The following STXBP5 variants were observed in gnomAD, a reference collection of about 807,000 sequenced individuals.
STXBP5 encodes syntaxin binding protein 5, also known as syntaxin-binding protein 5.
STXBP5 carries 50 observed loss-of-function variants against 152.4 expected under a neutral mutation model. The observed-to-expected ratio is 0.33, with a 90% CI of 0.26 to 0.42. The LOEUF (loss-of-function observed/expected upper bound fraction) is 0.42. Among genes scored for constraint, STXBP5 ranks in the 10% least tolerant of loss-of-function variants. STXBP5 has a pLI of 1.00. For missense variants in STXBP5, 1,167 were observed against 1,388.6 expected (o/e 0.84, Z 2.54); for synonymous variants, 492 against 494.7 (o/e 0.99, Z 0.07).
intron 2 of STXBP5, among the ~76,000 whole-genome samples, chr6:147,220,708 G>C (rs916352742): frequency 2.0e-5 from 3 of 152,056 alleles, no homozygotes; most frequent in African/African-American, 7.2e-5. Context: ...ATTAGTGAAA[G>C]CATGGCATAT....
intron 4 of STXBP5, among the ~76,000 whole-genome samples, chr6:147,248,047 A>G (rs972377733): frequency 1.3e-5 from 2 of 152,198 alleles, no homozygotes; most frequent in African/African-American, 4.8e-5. Context: ...TGGGAGGCCA[A>G]GGTGGGCAGA....
intron 26 of STXBP5, among the ~76,000 whole-genome samples, chr6:147,377,884 C>T (rs1258331005): frequency 1.3e-5 from 2 of 150,756 alleles, no homozygotes; most frequent in African/African-American, 4.9e-5. Flanking sequence ...TGAAACGAAG[C>T]ACGAAAAAAG....
chr6:147,336,663 T>C (rs1783839719), intron 19 of STXBP5, among the ~76,000 whole-genome samples: 1 of 152,106 alleles, frequency 6.6e-6, no homozygotes, highest in Non-Finnish European at 1.5e-5. Context: ...TGATGCATTA[T>C]AGATTATTAA....
intron 8 of STXBP5, among the ~76,000 whole-genome samples, chr6:147,288,654 A>G (rs1366552459): frequency 1.3e-5 from 2 of 152,156 alleles, no homozygotes; most frequent in Non-Finnish European, 2.9e-5. Flanking sequence ...CCAGTAGTAT[A>G]TCTGTATGGG....
intron 2 of STXBP5, among the ~76,000 whole-genome samples, chr6:147,219,127 G>A (rs959232973): frequency 4.6e-5 from 7 of 152,074 alleles, no homozygotes; most frequent in Admixed American, 1.3e-4. Flanking sequence ...ACCTGTATTC[G>A]TAGTTTACCG....
chr6:147,266,619 CA>C (rs1369530498), intron 6 of STXBP5, among the ~76,000 whole-genome samples: 1 of 151,982 alleles, frequency 6.6e-6, no homozygotes, highest in Non-Finnish European at 1.5e-5. Context: ...ATAATTAATT[CA>C]GTTTGGGGCA....
chr6:147,309,742 A>G lies in STXBP5; in HGVS notation c.918-342A>G, dbSNP rs75073059. Among the ~76,000 whole-genome samples, 9 of 152,234 alleles carry G rather than the reference A, an allele frequency of 5.9e-5. No individual in the cohort carries two copies. The South Asian group carries it at 1.9e-3, about 32-fold the overall frequency. ...TTCTCTGTGGGAGCTTCTATTGAGA[A>G]GGCCTGGTTAGGATTGGAAGTCAAA... On this transcript the variant is annotated intron_variant, in intron 9 of 27. Coordinates refer to ENST00000321680, the MANE Select transcript of STXBP5 (RefSeq NM_001127715.4).
chr6:147,350,193 T>TAG (rs985864049), intron 21 of STXBP5, among the ~76,000 whole-genome samples: 3 of 152,178 alleles, frequency 2.0e-5, no homozygotes, highest in African/African-American at 7.2e-5. Flanking sequence ...GAAAGCTGGT[T>TAG]AGTTATATTT....
intron 2 of STXBP5, among the ~76,000 whole-genome samples, chr6:147,233,687 G>GA (rs1778125177): frequency 6.6e-6 from 1 of 151,518 alleles, no homozygotes; most frequent in Non-Finnish European, 1.5e-5. Context: ...TTCTTTTTCT[G>GA]AAAAAATAAA....
chr6:147,338,158 A>G (rs954015771), intron 19 of STXBP5, among the ~76,000 whole-genome samples: 1 of 152,102 alleles, frequency 6.6e-6, no homozygotes, highest in African/African-American at 2.4e-5. Context: ...GCAGATACTT[A>G]GAGAATTCTA....
Position 147,274,383 on chromosome 6 carries a change from T to G in STXBP5, c.715-3698T>G, listed in dbSNP as rs145561830. On this transcript the variant is annotated intron_variant, in intron 7 of 27. Transcript: ENST00000321680. Reference sequence around the variant, plus strand: ...TTTCAGTTTATAACTATTTATAATCTTTAGAGAGAAAGGAAAAAAAGCTAT... The same window carrying G: ...TTTCAGTTTATAACTATTTATAATCGTTAGAGAGAAAGGAAAAAAAGCTAT... 4.5e-3 allele frequency among the ~76,000 whole-genome samples: 678 copies of G among 152,302 alleles called. 2 individuals carry two copies. The highest frequency in any genetic ancestry group is 0.015 in the African/African-American group (632 of 41,560).
chr6:147,346,207 G>A (rs1784320678), intron 21 of STXBP5, among the ~76,000 whole-genome samples: 1 of 152,174 alleles, frequency 6.6e-6, no homozygotes, highest in South Asian at 2.1e-4. Flanking sequence ...CTGGGTAAAT[G>A]AGTTTCGTAA....
At chr6:147,272,171 G>A (rs958596511) in intron 7 of STXBP5, among the ~76,000 whole-genome samples, 3 of 152,118 alleles carry the variant, frequency 2.0e-5, no homozygotes, top group Admixed American at 6.5e-5. Flanking sequence ...GCTTGCTGGT[G>A]AATTTTACCA....
At chr6:147,224,849 C>G (rs1048194783) in intron 2 of STXBP5, among the ~76,000 whole-genome samples, 3 of 152,124 alleles carry the variant, frequency 2.0e-5, no homozygotes, top group African/African-American at 4.8e-5. Context: ...ATGCTTCCAT[C>G]AATATTCTTT....
intron 8 of STXBP5, among the ~76,000 whole-genome samples, chr6:147,283,109 A>T (rs753993114): frequency 6.6e-6 from 1 of 152,232 alleles, no homozygotes; most frequent in Non-Finnish European, 1.5e-5. Context: ...GTCAAAACCC[A>T]TAGATTTTTA....
intron 9 of STXBP5, among the ~76,000 whole-genome samples, chr6:147,298,812 T>C (rs895663636): frequency 1.3e-5 from 2 of 152,026 alleles, no homozygotes; most frequent in East Asian, 1.9e-4. Context: ...CTGAGGCCTA[T>C]GGAATACAGC....
intron 21 of STXBP5, among the ~76,000 whole-genome samples, chr6:147,340,927 C>A (rs1784061486): frequency 6.6e-6 from 1 of 152,090 alleles, no homozygotes; most frequent in Admixed American, 6.6e-5. Flanking sequence ...CTTTTTGTCA[C>A]TCCAGTTTCT....
In STXBP5 at chr6:147,386,009, CTA is replaced by C. The variant is rs1345041361; in HGVS notation, c.*1255_*1256del. On this transcript the variant is annotated 3_prime_UTR_variant, in exon 28 of 28. Transcript: ENST00000321680. ...AAGGAAAATATGTACACTGTGATAACTAAATTATTTCTGTATTGGAATATAAT... is the reference window on the plus strand; with the variant it reads ...AAGGAAAATATGTACACTGTGATAACAATTATTTCTGTATTGGAATATAAT... 1 of 151,982 alleles carries C rather than the reference CTA, an allele frequency of 6.6e-6. No individual in the cohort carries two copies. The highest frequency in any genetic ancestry group is 2.4e-5 in the African/African-American group (1 of 41,410). 9.4% of individuals were successfully genotyped at this position (151,982 alleles called of 1,614,324 possible). A position where few individuals can be genotyped will look rare whatever the true frequency, so the allele number is the denominator to read the frequency against.
At chr6:147,216,184 G>A (rs1352087281) in intron 2 of STXBP5, among the ~76,000 whole-genome samples, 1 of 152,162 alleles carries the variant, frequency 6.6e-6, no homozygotes, top group African/African-American at 2.4e-5. Flanking sequence ...TTGAGGTCAG[G>A]AGTTTGAGAC....
Sources: allele counts gnomAD v4.1 joint callset (sites outside exome capture counted in the v4.1 genomes callset), GRCh38; gene constraint gnomAD v4.1.1; transcripts MANE v1.5; gene names NCBI Gene and HGNC (gene_info 2026-07-23, HGNC 2026-07-21).